ROR1: variants seen among roughly 807,000 people sequenced by gnomAD.
ROR1 encodes ROR family WNT receptor 1, also known as inactive tyrosine-protein kinase transmembrane receptor ROR1.
Under a neutral mutation model 78.8 loss-of-function variants are expected in ROR1, and 19 were observed. The observed-to-expected ratio is 0.24, with a 90% CI of 0.17 to 0.35. The LOEUF is 0.35. Among genes scored for constraint, ROR1 ranks in the 10% least tolerant of loss-of-function variants. ROR1 has a pLI of 1.00. For missense variants in ROR1, 917 were observed against 1,177.8 expected, an observed-to-expected ratio of 0.78 and a Z score of 3.24; for synonymous variants, 386 against 433.6, an observed-to-expected ratio of 0.89 and a Z score of 1.36.
rs1241939075 is a variant in ROR1, at chr1:64,083,595, GAA to G, written c.482+32891_482+32892del. Among the ~76,000 whole-genome samples, 85 of 118,960 alleles carry G rather than the reference GAA, an allele frequency of 7.1e-4. 1 individual carries two copies. Among genetic ancestry groups the G allele is most frequent in the African/African-American group, 1.9e-3 (64 of 33,552 alleles). 78.0% of individuals were successfully genotyped at this position (118,960 alleles called of 152,430 possible). ...TTTAAAGGTGCTAGAGAGAGAGAGA[GAA>G]AAAAAAAAAAACAACCATTGTAGAA... On this transcript the variant is annotated intron_variant, in intron 4 of 8. Coordinates refer to ENST00000371079, the MANE Select transcript of ROR1 (RefSeq NM_005012.4).
chr1:63,947,203 G>A (rs1277892846), intron 1 of ROR1, among the ~76,000 whole-genome samples: 3 of 152,116 alleles, frequency 2.0e-5, no homozygotes, highest in Non-Finnish European at 2.9e-5. Flanking sequence ...CCGGGAGCGC[G>A]CCCAGTACAG....
At chr1:64,035,101 G>A (rs1350216630) in intron 2 of ROR1, among the ~76,000 whole-genome samples, 2 of 152,186 alleles carry the variant, frequency 1.3e-5, no homozygotes, top group African/African-American at 4.8e-5. Context: ...AAAGTGATGA[G>A]AAAGGAGGCT....
chr1:63,821,085 T>C (rs1226970574), intron 1 of ROR1, among the ~76,000 whole-genome samples: 1 of 152,200 alleles, frequency 6.6e-6, no homozygotes, highest in East Asian at 1.9e-4. Context: ...CCCTTTTTAT[T>C]CTCAAGATTA....
At chr1:64,015,670 C>T (rs753254785) in intron 2 of ROR1, among the ~76,000 whole-genome samples, 6 of 152,012 alleles carry the variant, frequency 3.9e-5, no homozygotes, top group Non-Finnish European at 8.8e-5. Flanking sequence ...TAAGGATAGA[C>T]TGGATCTTGC....
At chr1:64,112,545 G>A (rs370473733) in intron 4 of ROR1, among the ~76,000 whole-genome samples, 2 of 152,076 alleles carry the variant, frequency 1.3e-5, no homozygotes, top group Admixed American at 1.3e-4. Context: ...TAATTGATAC[G>A]CCCAGTGGTT....
chr1:64,067,511 A>G (rs1383245367), intron 4 of ROR1, among the ~76,000 whole-genome samples: 1 of 150,732 alleles, frequency 6.6e-6, no homozygotes, highest in Non-Finnish European at 1.5e-5. Flanking sequence ...ATGAATAATT[A>G]AAAACATAGG....
chr1:63,895,801 G>A (rs573260181), intron 1 of ROR1, among the ~76,000 whole-genome samples: 11 of 152,050 alleles, frequency 7.2e-5, no homozygotes, highest in East Asian at 3.9e-4. Flanking sequence ...TTTTCTTTTC[G>A]TCTTGATTCT....
chr1:63,789,824 C>T (rs1644714992), intron 1 of ROR1, among the ~76,000 whole-genome samples: 1 of 152,020 alleles, frequency 6.6e-6, no homozygotes, highest in South Asian at 2.1e-4. Flanking sequence ...CAGTGTTCAG[C>T]ACATTAAGCC....
rs1569828068 is a variant in ROR1, at chr1:64,132,589, G to A, written c.483-4780G>A. The stretch of plus-strand genomic sequence containing the variant: ...AGCCTGGCCAACATGGTGAAACCCT[G>A]TCTCTACTAAAAATACAAAAATTAG... On this transcript the variant is annotated intron_variant, in intron 4 of 8. Coordinates refer to ENST00000371079, the MANE Select transcript of ROR1 (RefSeq NM_005012.4). Among the ~76,000 whole-genome samples, 3 of 151,706 alleles carry A rather than the reference G, an allele frequency of 2.0e-5. No individual in the cohort carries two copies. The South Asian group carries it at 6.3e-4, about 32-fold the overall frequency.
At chr1:64,084,548 G>A (rs143560058) in intron 4 of ROR1, among the ~76,000 whole-genome samples, 2 of 152,296 alleles carry the variant, frequency 1.3e-5, no homozygotes, top group East Asian at 3.9e-4. Context: ...CCTGAAAGGA[G>A]CTGAATGACA....
intron 4 of ROR1, among the ~76,000 whole-genome samples, chr1:64,134,987 G>C (rs1649052488): frequency 2.0e-5 from 3 of 152,036 alleles, no homozygotes; most frequent in Admixed American, 2.0e-4. Context: ...GACCTCAGAT[G>C]ATCCACCCGT....
At chr1:64,150,652 A>C (rs1649595651) in intron 7 of ROR1, among the ~76,000 whole-genome samples, 1 of 152,250 alleles carries the variant, frequency 6.6e-6, no homozygotes, top group Non-Finnish European at 1.5e-5. Context: ...AAGGAGGAAG[A>C]AGTATAGCAC....
chr1:64,046,973 A>G (rs1236769892), intron 2 of ROR1, among the ~76,000 whole-genome samples: 3 of 152,226 alleles, frequency 2.0e-5, no homozygotes, highest in African/African-American at 7.2e-5. Context: ...TAGGATTTCA[A>G]AATAGTCCAT....
chr1:63,821,519 C>A (rs1231903095), intron 1 of ROR1, among the ~76,000 whole-genome samples: 1 of 152,168 alleles, frequency 6.6e-6, no homozygotes, highest in Non-Finnish European at 1.5e-5. Context: ...ACTGAGAGCA[C>A]CCGTGTGTAC....
intron 4 of ROR1, among the ~76,000 whole-genome samples, chr1:64,093,696 G>A (rs922699802): frequency 4.3e-4 from 65 of 152,088 alleles, no homozygotes; most frequent in African/African-American, 1.5e-3. Context: ...TCAGGAAACT[G>A]AAAAACAGTG....
Position 63,813,064 on chromosome 1 carries a change from C to CA in ROR1, c.91+38569dup, listed in dbSNP as rs879726306. Among the ~76,000 whole-genome samples, 174 of 132,824 alleles carry CA rather than the reference C, an allele frequency of 1.3e-3. 1 individual carries two copies. The highest frequency in any genetic ancestry group is 6.2e-3 in the South Asian group (26 of 4,172). The allele number at this position is 132,824 out of a possible 152,430, so 87.1% of individuals were successfully genotyped here. A position where few individuals can be genotyped will look rare whatever the true frequency, so the allele number is the denominator to read the frequency against. On this transcript the variant is annotated intron_variant, in intron 1 of 8. Transcript: ENST00000371079. ...GGGTCTTCAAGATAGAAACAAATGG[C>CA]AAAAAAAAAAAAAGTTGGTTATCAA...
intron 1 of ROR1, among the ~76,000 whole-genome samples, chr1:63,831,347 C>T (rs913843560): frequency 2.6e-5 from 4 of 152,254 alleles, no homozygotes; most frequent in Non-Finnish European, 5.9e-5. Context: ...CAGCAGACGT[C>T]TTCCTGGACA....
intron 1 of ROR1, among the ~76,000 whole-genome samples, chr1:63,789,649 G>GA (rs568452125): frequency 4.9e-5 from 7 of 144,318 alleles, no homozygotes; most frequent in African/African-American, 1.8e-4. Flanking sequence ...TCAGGAGGAG[G>GA]AAAAAAACAC....
rs1650509389 is a variant in ROR1 at position 64,180,086 on chromosome 1, C to T, written c.*1231C>T. 1 of 152,148 alleles carries T rather than the reference C, an allele frequency of 6.6e-6. No individual in the cohort carries two copies. The highest frequency in any genetic ancestry group is 2.1e-4 in the South Asian group (1 of 4,824). 9.4% of individuals were successfully genotyped at this position (152,148 alleles called of 1,614,324 possible). A position where few individuals can be genotyped will look rare whatever the true frequency, so the allele number is the denominator to read the frequency against. Reference sequence around the variant, plus strand: ...TACTGAGTTCTCATTTCAAAAGTTACCAAGAACTGAATTCTTTAAACTAGC... The same window carrying T: ...TACTGAGTTCTCATTTCAAAAGTTATCAAGAACTGAATTCTTTAAACTAGC... On this transcript the variant is annotated 3_prime_UTR_variant, in exon 9 of 9. Transcript: ENST00000371079.
Sources: allele counts gnomAD v4.1 joint callset (sites outside exome capture counted in the v4.1 genomes callset), GRCh38; gene constraint gnomAD v4.1.1; transcripts MANE v1.5; gene names NCBI Gene and HGNC (gene_info 2026-07-23, HGNC 2026-07-21).